Variants in CHD9 observed in about 807,000 individuals in gnomAD.
CHD9 encodes ATP-dependent chromatin remodeler CHD9.
In CHD9, 77 loss-of-function variants were observed where a neutral mutation model predicts 316.1. That is an observed-to-expected ratio of 0.24 (90% confidence interval 0.20 to 0.29). The LOEUF is 0.29. CHD9 is among the 10% of genes least tolerant of loss of function. The pLI, the probability that CHD9 is intolerant of heterozygous loss-of-function variation, is 1.00. For synonymous variants in CHD9, 1,129 were observed against 1,158.3 expected (o/e 0.97, Z 0.51); for missense variants, 2,763 against 3,438.1 (o/e 0.80, Z 4.91).
rs1364503175 is a variant in CHD9 at position 53,321,523 on chromosome 16, C to T, written c.7714-3C>T. On this transcript the variant is annotated splice_polypyrimidine_tract_variant and splice_region_variant and intron_variant, in intron 37 of 38. Coordinates refer to ENST00000447540, the MANE Select transcript of CHD9 (RefSeq NM_001308319.2). Reference sequence around the variant, plus strand: ...TAGTATTTAATCTGTTTCTAATTTACAGGTTGGAGGTGCATTTGCTCCCCC... The same window carrying T: ...TAGTATTTAATCTGTTTCTAATTTATAGGTTGGAGGTGCATTTGCTCCCCC... 14 of 1,530,868 alleles carry T rather than the reference C, an allele frequency of 9.1e-6. No homozygotes were observed. Among genetic ancestry groups the T allele is most frequent in the African/African-American group, 1.4e-5 (1 of 73,248 alleles). 94.8% of individuals were successfully genotyped at this position (1,530,868 alleles called of 1,614,324 possible). A position where few individuals can be genotyped will look rare whatever the true frequency, so the allele number is the denominator to read the frequency against.
rs575702603 is a variant in CHD9 at position 53,209,704 on chromosome 16, G to A, written c.1675G>A (p.Val559Ile). The A allele has an allele frequency of 2.5e-6, 4 of 1,613,798 alleles. No individual in the cohort carries two copies. The East Asian group carries it at 8.9e-5, about 36-fold the overall frequency. The change falls in exon 3 of 39, where the codon GTT becomes ATT. Residue 559 changes from valine to isoleucine, a missense_variant. Physicochemically the swap from Val to Ile is conservative, Grantham distance 29. Coordinates refer to ENST00000447540, the MANE Select transcript of CHD9 (RefSeq NM_001308319.2). Reference sequence around the variant, plus strand: ...CCCTGAAAACTTTCCTACTGCTTCAGTTGAAGGAAAAGAGGAAAAGAAAGG... The same window carrying A: ...CCCTGAAAACTTTCCTACTGCTTCAATTGAAGGAAAAGAGGAAAAGAAAGG... ...MSPENFPTAS[V>I]EGKEEKKGRR...
intron 12 of CHD9, 33 bp from the exon 13 acceptor site, chr16:53,242,807 T>C: frequency 6.4e-7 from 1 of 1,569,034 alleles, no homozygotes; most frequent in Non-Finnish European, 8.7e-7. Flanking sequence ...AATTAAAATA[T>C]TCCAGCAAAT....
chr16:53,159,156 C>G (rs952428098), intron 2 of CHD9, among the ~76,000 whole-genome samples: 2 of 152,022 alleles, frequency 1.3e-5, no homozygotes, highest in African/African-American at 4.8e-5. Context: ...ATGGTGCACT[C>G]CTGTAGTCCC....
At chr16:53,268,895 T>TG (rs1219116463) in intron 22 of CHD9, among the ~76,000 whole-genome samples, 8 of 152,276 alleles carry the variant, frequency 5.3e-5, no homozygotes, top group African/African-American at 1.9e-4. Flanking sequence ...CTCAACCTCC[T>TG]GGGCTTAAGC....
chr16:53,170,061 T>TG (rs2042584010), intron 2 of CHD9, among the ~76,000 whole-genome samples: 1 of 150,420 alleles, frequency 6.6e-6, no homozygotes, highest in Non-Finnish European at 1.5e-5. Context: ...TTTTTTTTGT[T>TG]TGTTTTTTTT....
intron 20 of CHD9, 94 bp from the exon 21 acceptor site, chr16:53,267,198 TTC>T: frequency 1.4e-6 from 1 of 714,368 alleles, no homozygotes; most frequent in East Asian, 3.0e-5. Context: ...TTGTCTGTGT[TTC>T]TGTAATTATT....
At chr16:53,226,328 ATAAAT>A in intron 4 of CHD9, 33 bp from the exon 5 acceptor site, 1 of 1,404,942 alleles carries the variant, frequency 7.1e-7, no homozygotes, top group Non-Finnish European at 9.4e-7. Flanking sequence ...TTTCTTCAAA[ATAAAT>A]TATATAAATC....
intron 34 of CHD9, among the ~76,000 whole-genome samples, chr16:53,313,835 C>G (rs62049808): frequency 6.6e-6 from 1 of 151,410 alleles, no homozygotes; most frequent in African/African-American, 2.4e-5. Flanking sequence ...TGCCTGTAGT[C>G]CCAGCTACTT....
rs563098234 is a variant in CHD9, at chr16:53,327,493, C to G, written c.*2598C>G. The stretch of plus-strand genomic sequence containing the variant: ...ATTTTTTATTAAACATATTCTTTGA[C>G]TACCCATGATGTCAGCCTCTGTACA... On this transcript the variant is annotated 3_prime_UTR_variant, in exon 39 of 39. Transcript: ENST00000447540. 6.6e-6 allele frequency: 1 copy of G among 152,628 alleles called. No individual in the cohort carries two copies. Among genetic ancestry groups the G allele is most frequent in the East Asian group, 1.9e-4 (1 of 5,186 alleles). The allele number at this position is 152,628 out of a possible 1,614,324, so 9.5% of individuals were successfully genotyped here.
intron 24 of CHD9, among the ~76,000 whole-genome samples, chr16:53,284,564 G>A (rs2053694817): frequency 6.6e-6 from 1 of 151,980 alleles, no homozygotes; most frequent in Non-Finnish European, 1.5e-5. Flanking sequence ...AAAGCTTTCT[G>A]GGAAAATAAT....
rs2039617369 is a variant in CHD9 at position 53,135,090 on chromosome 16, G to A, written c.-164-20836G>A. Among the ~76,000 whole-genome samples, 6 of 152,268 alleles carry A rather than the reference G, an allele frequency of 3.9e-5. 2 individuals are homozygous for A. In the Middle Eastern group the frequency reaches 0.02, roughly 518 times the overall value. On this transcript the variant is annotated intron_variant, in intron 1 of 38. Transcript: ENST00000447540. ...GGAAACAGAATAAGAAGACAGGTCA[G>A]GAGAGAAAAGAGTTTCTTGGAAGAG... is the stretch of plus-strand genomic sequence containing the variant.
chr16:53,153,545 T>G (rs903461989), intron 1 of CHD9, among the ~76,000 whole-genome samples: 8 of 152,170 alleles, frequency 5.3e-5, no homozygotes, highest in African/African-American at 2.4e-5. Context: ...TCGTTTGTTT[T>G]GGAGACAGGG....
At position 53,068,777 on chromosome 16, in the gene CHD9, G is replaced by A. The variant is rs141640971; in HGVS notation, c.-165+13700G>A. Among the ~76,000 whole-genome samples the A allele has an allele frequency of 1.8e-4, 27 of 152,174 alleles. No individual in the cohort carries two copies. In the East Asian group the frequency reaches 4.4e-3, roughly 25 times the overall value. On this transcript the variant is annotated intron_variant, in intron 1 of 38. Coordinates refer to ENST00000447540, the MANE Select transcript of CHD9 (RefSeq NM_001308319.2). The stretch of plus-strand genomic sequence containing the variant: ...AGCTTGCGGTCTTGTTTATACCTGC[G>A]GTAAGTTTTGACAAGACAAAGGAAG...
At chr16:53,058,214 G>A (rs564862428) in intron 1 of CHD9, among the ~76,000 whole-genome samples, 25 of 152,214 alleles carry the variant, frequency 1.6e-4, no homozygotes, top group African/African-American at 5.3e-4. Context: ...TCCACCTCTG[G>A]AGTTCAAGCG....
chr16:53,212,541 C>T (rs989193263), intron 3 of CHD9, among the ~76,000 whole-genome samples: 2 of 152,096 alleles, frequency 1.3e-5, no homozygotes, highest in Non-Finnish European at 2.9e-5. Context: ...TGAAGAAAAG[C>T]AATACTGCCC....
chr16:53,088,537 C>T (rs1004751471), intron 1 of CHD9, among the ~76,000 whole-genome samples: 3 of 151,858 alleles, frequency 2.0e-5, no homozygotes, highest in African/African-American at 7.3e-5. Context: ...CTCGGCCTCC[C>T]AAAGTGCTGG....
chr16:53,130,013 C>T (rs951693449), intron 1 of CHD9, among the ~76,000 whole-genome samples: 8 of 152,192 alleles, frequency 5.3e-5, no homozygotes, highest in Non-Finnish European at 1.5e-5. Flanking sequence ...GTATCACCCT[C>T]CCCCACGGCT....
intron 19 of CHD9, among the ~76,000 whole-genome samples, chr16:53,258,098 A>G (rs1171738291): frequency 1.3e-5 from 2 of 152,144 alleles, no homozygotes; most frequent in East Asian, 1.9e-4. Context: ...TGGCTTCCTT[A>G]TTTAACATGT....
intron 1 of CHD9, among the ~76,000 whole-genome samples, chr16:53,147,048 A>G (rs1274928288): frequency 2.0e-5 from 3 of 152,204 alleles, no homozygotes; most frequent in African/African-American, 7.2e-5. Context: ...TTTAGTAGAT[A>G]CTAAGGATAC....
Sources: gnomAD v4.1 joint callset for allele counts (sites outside exome capture counted in the v4.1 genomes callset) on GRCh38, gnomAD v4.1.1 for gene constraint, MANE v1.5 for transcripts, NCBI Gene and HGNC (gene_info 2026-07-23, HGNC 2026-07-21) for gene names.